GPR39: variants seen among roughly 807,000 people sequenced by gnomAD.
GPR39 encodes the protein G protein-coupled receptor 39.
In GPR39, 23 loss-of-function variants were observed where a neutral mutation model predicts 18.4. The ratio of observed to expected loss-of-function variants is 1.25; its 90% confidence interval spans 0.90 to 1.77. The LOEUF (loss-of-function observed/expected upper bound fraction) is 1.77, where lower values mean the gene tolerates loss of function less well. Among genes scored for constraint, GPR39 ranks in the 40% most tolerant of loss-of-function variants. The pLI is 0.00. For synonymous variants in GPR39, 280 were observed against 257.9 expected (o/e 1.09, Z -0.82); for missense variants, 647 against 602.4 (o/e 1.07, Z -0.78).
At chr2:132,550,210 A>G (rs1680017947) in intron 1 of GPR39, among the ~76,000 whole-genome samples, 1 of 152,234 alleles carries the variant, frequency 6.6e-6, no homozygotes, top group Admixed American at 6.5e-5. Flanking sequence ...CCTTTAGTGA[A>G]AGATCAAGGA....
chr2:132,574,942 T>G (rs75762939), intron 1 of GPR39, among the ~76,000 whole-genome samples: 3,069 of 152,332 alleles, frequency 0.02, 108 homozygotes, highest in African/African-American at 0.068. Context: ...CTTTTGTGAC[T>G]GAGGTTTCCT....
chr2:132,644,903 G>A (rs978054043), intron 1 of GPR39, 198 bp from the exon 2 acceptor site: 13 of 600,118 alleles, frequency 2.2e-5, no homozygotes, highest in Non-Finnish European at 3.5e-5. Flanking sequence ...CAACTCCCCC[G>A]GGTTTGAAAC....
At chr2:132,614,199 G>GT (rs1681288134) in intron 1 of GPR39, among the ~76,000 whole-genome samples, 1 of 149,590 alleles carries the variant, frequency 6.7e-6, no homozygotes, top group South Asian at 2.1e-4. Context: ...TTTTTGTTTT[G>GT]TTTTGTTTTT....
At position 132,618,801 on chromosome 2, in the gene GPR39, C is replaced by A. The variant is rs150035661; in HGVS notation, c.857-26300C>A. On this transcript the variant is annotated intron_variant, in intron 1 of 1. Coordinates refer to ENST00000329321, the MANE Select transcript of GPR39 (RefSeq NM_001508.3). ...CTTTAAAGGCCGGCTTCACTTAATG[C>A]CAGGCTGCTGGCCTGTGGTTGTGGA... Among the ~76,000 whole-genome samples, 666 of 152,326 alleles carry A rather than the reference C, an allele frequency of 4.4e-3. 2 individuals are homozygous for A. The highest frequency in any genetic ancestry group is 0.015 in the African/African-American group (632 of 41,576).
rs1680662777 is a variant in GPR39 at position 132,583,378 on chromosome 2, C to A, written c.857-61723C>A. 4.3e-5 allele frequency among the ~76,000 whole-genome samples: 5 copies of A among 116,288 alleles called. No individual in the cohort carries two copies. In the South Asian group the frequency reaches 1.7e-3, roughly 39 times the overall value. The allele number at this position is 116,288 out of a possible 152,430, so 76.3% of individuals were successfully genotyped here. ...AGATCCCCCCAACAAATACACATAT[C>A]CCTCAAAAAAAAAAAAAAGTGCCAA... On this transcript the variant is annotated intron_variant, in intron 1 of 1. Coordinates refer to ENST00000329321, the MANE Select transcript of GPR39 (RefSeq NM_001508.3).
intron 1 of GPR39, among the ~76,000 whole-genome samples, chr2:132,541,835 C>T (rs911101383): frequency 6.6e-6 from 1 of 152,188 alleles, no homozygotes; most frequent in Non-Finnish European, 1.5e-5. Context: ...GCTATTCAAA[C>T]AGCATAACAT....
At chr2:132,611,797 T>C (rs1437662946) in intron 1 of GPR39, among the ~76,000 whole-genome samples, 1 of 152,198 alleles carries the variant, frequency 6.6e-6, no homozygotes, top group Non-Finnish European at 1.5e-5. Flanking sequence ...GACTTGCATT[T>C]GTTCTAAAGT....
intron 1 of GPR39, among the ~76,000 whole-genome samples, chr2:132,449,280 C>A (rs1230505884): frequency 6.6e-6 from 1 of 151,862 alleles, no homozygotes; most frequent in Non-Finnish European, 1.5e-5. Flanking sequence ...CAGAGTCTCG[C>A]TCTGTCACGC....
intron 1 of GPR39, among the ~76,000 whole-genome samples, chr2:132,641,397 C>T (rs1489964291): frequency 6.6e-6 from 1 of 151,982 alleles, no homozygotes; most frequent in African/African-American, 2.4e-5. Context: ...TTTGATATAA[C>T]TCTCTGGAAT....
intron 1 of GPR39, among the ~76,000 whole-genome samples, chr2:132,550,389 G>A (rs1398290959): frequency 2.6e-5 from 4 of 152,206 alleles, no homozygotes; most frequent in Admixed American, 1.3e-4. Flanking sequence ...TACAACGGAG[G>A]TACTTGCCTC....
chr2:132,554,349 C>T (rs770109206), intron 1 of GPR39, among the ~76,000 whole-genome samples: 1 of 152,214 alleles, frequency 6.6e-6, no homozygotes, highest in Admixed American at 6.5e-5. Context: ...TGCTAGATTA[C>T]AAACATCATG....
At chr2:132,607,250 T>G (rs1573695019) in intron 1 of GPR39, among the ~76,000 whole-genome samples, 2 of 152,260 alleles carry the variant, frequency 1.3e-5, no homozygotes, top group African/African-American at 4.8e-5. Flanking sequence ...AAAGTAATTC[T>G]AGCTTGTCCT....
At position 132,417,843 on chromosome 2, in the gene GPR39, G is replaced by C. The variant is rs1253448975; in HGVS notation, c.801G>C (p.Arg267Ser). 6.2e-7 allele frequency: 1 copy of C among 1,612,498 alleles called. No individual in the cohort carries two copies. The highest frequency in any genetic ancestry group is 1.1e-5 in the South Asian group (1 of 91,074). Reference sequence around the variant, plus strand: ...GGGGCACGCGGCCTCCGCAGCTGAGGAAGTCCGAGAGCGAAGAGAGCAGGA... The same window carrying C: ...GGGGCACGCGGCCTCCGCAGCTGAGCAAGTCCGAGAGCGAAGAGAGCAGGA... Reference protein sequence around the residue: ...LAGGTRPPQLRKSESEESRTA... With the variant: ...LAGGTRPPQLSKSESEESRTA... The change falls in exon 1 of 2, where the codon AGG (arginine) becomes AGC (serine). Residue 267 changes from arginine (R) to serine (S), a missense_variant. Arg to Ser is a moderately radical substitution (Grantham distance 110). This residue lies in a region of GPR39 where 581 missense variants were observed against 506.8 expected (regional missense o/e 1.15). Coordinates refer to ENST00000329321, the MANE Select transcript of GPR39 (RefSeq NM_001508.3).
intron 1 of GPR39, among the ~76,000 whole-genome samples, chr2:132,509,307 TAGAG>T (rs761661965): frequency 2.6e-5 from 4 of 152,070 alleles, no homozygotes; most frequent in Non-Finnish European, 4.4e-5. Context: ...AGAGAGAAAA[TAGAG>T]AGATGCACAG....
chr2:132,514,442 G>A (rs993268459), intron 1 of GPR39, among the ~76,000 whole-genome samples: 3 of 152,120 alleles, frequency 2.0e-5, no homozygotes, highest in Non-Finnish European at 2.9e-5. Flanking sequence ...AGGGTCACAG[G>A]CTCCCCCGTG....
At chr2:132,536,606 C>G (rs1404434440) in intron 1 of GPR39, among the ~76,000 whole-genome samples, 1 of 152,162 alleles carries the variant, frequency 6.6e-6, no homozygotes, top group African/African-American at 2.4e-5. Context: ...GAGCTGTGTT[C>G]AAGTCCTGAA....
chr2:132,601,300 G>A (rs1398831389), intron 1 of GPR39, among the ~76,000 whole-genome samples: 1 of 152,020 alleles, frequency 6.6e-6, no homozygotes, highest in Non-Finnish European at 1.5e-5. Flanking sequence ...ACGTAAGGAT[G>A]GTTTAACACA....
intron 1 of GPR39, among the ~76,000 whole-genome samples, chr2:132,452,854 A>G (rs1226138531): frequency 1.3e-5 from 1 of 75,908 alleles, no homozygotes; most frequent in Admixed American, 1.2e-4. Context: ...TATATATGCC[A>G]CATTTTCTTA....
intron 1 of GPR39, among the ~76,000 whole-genome samples, chr2:132,623,230 C>G (rs1159335236): frequency 2.0e-5 from 3 of 152,102 alleles, no homozygotes; most frequent in African/African-American, 7.2e-5. Flanking sequence ...TGCCCAAGCC[C>G]CAGAGAGGCA....
Sources: gnomAD v4.1 joint callset for allele counts (sites outside exome capture counted in the v4.1 genomes callset) on GRCh38, gnomAD v4.1.1 for gene constraint, gnomAD v4.1.1 regional missense constraint, MANE v1.5 for transcripts, NCBI Gene and HGNC (gene_info 2026-07-23, HGNC 2026-07-21) for gene names.